Variants in DMD observed in about 807,000 individuals in gnomAD.
The protein encoded by DMD is mutant dystrophin.
DMD carries 63 observed loss-of-function variants against 330.1 expected under a neutral mutation model. The observed-to-expected ratio is 0.19, with a 90% CI of 0.16 to 0.24. The LOEUF is 0.24. Among genes scored for constraint, DMD ranks in the 10% least tolerant of loss-of-function variants. DMD has a pLI of 1.00. For missense variants in DMD, 3,344 were observed against 2,684.1 expected, an observed-to-expected ratio of 1.25 and a Z score of -5.43; for synonymous variants, 1,223 against 959.8, an observed-to-expected ratio of 1.27 and a Z score of -5.07.
intron 11 of DMD, among the ~76,000 whole-genome samples, chrX:32,637,799 G>A (rs1171160873): frequency 2.7e-5 from 3 of 111,363 alleles, no homozygotes; most frequent in African/African-American, 9.8e-5. Flanking sequence ...AACAGCATGA[G>A]GGTTACACTC....
intron 2 of DMD, among the ~76,000 whole-genome samples, chrX:32,907,909 T>G (rs190001269): frequency 1.2e-3 from 139 of 111,689 alleles, no homozygotes; most frequent in African/African-American, 4.4e-3. Flanking sequence ...TTCACTTATC[T>G]TGGTCGTAAA....
At chrX:32,500,062 T>G (rs1239027274) in intron 19 of DMD, among the ~76,000 whole-genome samples, 2 of 110,816 alleles carry the variant, frequency 1.8e-5, no homozygotes, top group African/African-American at 6.6e-5. Flanking sequence ...ATATCTTTAC[T>G]GGTAGAACAA....
intron 1 of DMD, among the ~76,000 whole-genome samples, chrX:33,234,868 G>A (rs914360110): frequency 1.8e-5 from 2 of 111,290 alleles, no homozygotes; most frequent in African/African-American, 6.5e-5. Context: ...TGATTCTTTC[G>A]CCCAGGCCAC....
intron 55 of DMD, among the ~76,000 whole-genome samples, chrX:31,522,363 C>CTCTCTCTCTCTCTCTATATATATA: frequency 1.4e-4 from 5 of 35,962 alleles, no homozygotes; most frequent in African/African-American, 5.7e-4. Context: ...CTCTCTCTCT[C>CTCTCTCTCTCTCTCTATATATATA]TATATATATA....
At chrX:31,444,251 T>C (rs1252308540) in intron 60 of DMD, among the ~76,000 whole-genome samples, 1 of 111,293 alleles carries the variant, frequency 9.0e-6, no homozygotes, top group African/African-American at 3.3e-5. Context: ...TATTCTTTTA[T>C]AGCAACACTA....
chrX:32,686,302 A>C (rs2062855591), intron 9 of DMD, among the ~76,000 whole-genome samples: 1 of 111,549 alleles, frequency 9.0e-6, no homozygotes, highest in African/African-American at 3.3e-5. Context: ...TCACATCTGT[A>C]ATCACAGAAC....
At chrX:32,192,992 A>G (rs933194476) in intron 44 of DMD, among the ~76,000 whole-genome samples, 2 of 111,956 alleles carry the variant, frequency 1.8e-5, no homozygotes, top group Non-Finnish European at 3.8e-5. Context: ...TGGATTTCTC[A>G]TGAATGGTTT....
intron 42 of DMD, among the ~76,000 whole-genome samples, chrX:32,301,235 A>AAAG (rs2097522734): frequency 9.3e-6 from 1 of 108,050 alleles, no homozygotes; most frequent in Non-Finnish European, 1.9e-5. Context: ...AAAAAAAAAA[A>AAAG]AAAGAAAGAA....
At chrX:31,193,604 T>C (rs2042594869) in intron 67 of DMD, among the ~76,000 whole-genome samples, 1 of 111,929 alleles carries the variant, frequency 8.9e-6, no homozygotes, top group African/African-American at 3.2e-5. Flanking sequence ...GGAATGGATA[T>C]TATAATATGT....
intron 55 of DMD, among the ~76,000 whole-genome samples, chrX:31,523,215 C>A (rs1336122361): frequency 9.0e-6 from 1 of 111,296 alleles, no homozygotes; most frequent in Non-Finnish European, 1.9e-5. Context: ...CATAACAGCC[C>A]TTAATCTTCT....
At chrX:32,118,827 T>A (rs1256520926) in intron 44 of DMD, among the ~76,000 whole-genome samples, 1 of 110,568 alleles carries the variant, frequency 9.0e-6, no homozygotes, top group Non-Finnish European at 1.9e-5. Flanking sequence ...GGGATAAAAC[T>A]GTTGCACCTC....
At chrX:32,471,012 C>G (rs1025617736) in intron 22 of DMD, among the ~76,000 whole-genome samples, 8 of 111,781 alleles carry the variant, frequency 7.2e-5, no homozygotes, top group African/African-American at 2.6e-4. Context: ...CGCAGTGGCT[C>G]ACACCTGTAA....
chrX:31,360,412 G>C (rs1569532414), intron 60 of DMD, among the ~76,000 whole-genome samples: 2 of 111,920 alleles, frequency 1.8e-5, no homozygotes, highest in Admixed American at 9.5e-5. Flanking sequence ...TTTTAAGTAA[G>C]AAAAATATTA....
At chrX:32,992,921 A>AAAAAAAAC (rs1476448179) in intron 2 of DMD, among the ~76,000 whole-genome samples, 40 of 109,897 alleles carry the variant, frequency 3.6e-4, no homozygotes, top group African/African-American at 1.3e-3. Context: ...AAAAAAAAAA[A>AAAAAAAAC]AAAAAACTGT....
intron 54 of DMD, among the ~76,000 whole-genome samples, chrX:31,640,444 T>C (rs1261285674): frequency 8.9e-6 from 1 of 112,561 alleles, no homozygotes; most frequent in Non-Finnish European, 1.9e-5. Flanking sequence ...TTGTTATGAT[T>C]TTTTATAACT....
intron 1 of DMD, among the ~76,000 whole-genome samples, chrX:33,073,914 C>A (rs191333076): frequency 9.0e-6 from 1 of 111,386 alleles, no homozygotes; most frequent in Admixed American, 9.5e-5. Context: ...ATTATAAACA[C>A]TAAAGTGTTT....
chrX:32,907,766 AC>A (rs1259719114), intron 2 of DMD, among the ~76,000 whole-genome samples: 4 of 112,311 alleles, frequency 3.6e-5, no homozygotes, highest in Non-Finnish European at 5.6e-5. Context: ...ATGACAAAAT[AC>A]TTTTGAATAC....
At chrX:32,120,998 A>C (rs1270933715) in intron 44 of DMD, among the ~76,000 whole-genome samples, 1 of 112,279 alleles carries the variant, frequency 8.9e-6, no homozygotes, top group Non-Finnish European at 1.9e-5. Context: ...TTGGAGTTTG[A>C]AGTAAATAAT....
chrX:31,245,682 T>C (rs144636387), intron 63 of DMD, among the ~76,000 whole-genome samples: 1 of 111,687 alleles, frequency 9.0e-6, no homozygotes, highest in East Asian at 2.8e-4. Flanking sequence ...ATATCTATTA[T>C]GGTGAATCGT....
Sources: allele counts gnomAD v4.1 joint callset (sites outside exome capture counted in the v4.1 genomes callset), GRCh38; gene constraint gnomAD v4.1.1; transcripts MANE v1.5; gene names NCBI Gene and HGNC (gene_info 2026-07-23, HGNC 2026-07-21).